Variants in CLASP1 observed in about 807,000 individuals in gnomAD.
The protein encoded by CLASP1 is CLIP-associating protein 1.
In CLASP1, 38 loss-of-function variants were observed where a neutral mutation model predicts 192.3. That is an observed-to-expected ratio of 0.20 (90% CI 0.15 to 0.26). The LOEUF (loss-of-function observed/expected upper bound fraction) is 0.26, where lower values mean the gene tolerates loss of function less well. Ranked by LOEUF, CLASP1 falls within the 10% of genes least tolerant of loss-of-function variation. The probability of loss-of-function intolerance (pLI) is 1.00; values close to 1 mark genes in which losing one functional copy is unlikely to be tolerated. For synonymous variants in CLASP1, 691 were observed against 712.8 expected (o/e 0.97, Z 0.49); for missense variants, 1,433 against 1,932.5 (o/e 0.74, Z 4.85).
chr2:121,545,860 TA>T (rs141991910), intron 2 of CLASP1, among the ~76,000 whole-genome samples: 2,138 of 147,206 alleles, frequency 0.015, 44 homozygotes, highest in African/African-American at 0.049. Context: ...CTGTAGAGGT[TA>T]AAAAAAAAAG....
intron 2 of CLASP1, among the ~76,000 whole-genome samples, chr2:121,572,415 G>C (rs534789455): frequency 6.6e-6 from 1 of 152,112 alleles, no homozygotes; most frequent in Non-Finnish European, 1.5e-5. Flanking sequence ...GCAGCAGAGC[G>C]AGACTCCTTC....
intron 6 of CLASP1, 93 bp from the exon 7 acceptor site, chr2:121,515,855 T>C: frequency 1.1e-6 from 1 of 933,398 alleles, no homozygotes; most frequent in South Asian, 1.4e-5. Flanking sequence ...CCCCAATTTA[T>C]CACCATTTTA....
rs769314968 is a variant in CLASP1 at position 121,448,269 on chromosome 2, G to A, written c.1741+7C>T. On this transcript the variant is annotated splice_region_variant and intron_variant, in intron 18 of 39. Transcript: ENST00000263710. ...GAACAGGCCTTCTCCACGGCTGTCA[G>A]TCTCACCTCTAGATGTGGTACTTCC... 1.9e-6 allele frequency: 3 copies of A among 1,613,030 alleles called. No individual in the cohort carries two copies. The highest frequency in any genetic ancestry group is 2.5e-6 in the Non-Finnish European group (3 of 1,178,944).
intron 8 of CLASP1, among the ~76,000 whole-genome samples, chr2:121,497,866 C>A (rs938459248): frequency 6.6e-6 from 1 of 152,036 alleles, no homozygotes; most frequent in Non-Finnish European, 1.5e-5. Flanking sequence ...ACTACAGGCG[C>A]CCACCACCAC....
chr2:121,537,330 T>TC (rs2095113712), intron 2 of CLASP1, among the ~76,000 whole-genome samples: 1 of 151,530 alleles, frequency 6.6e-6, no homozygotes, highest in Non-Finnish European at 1.5e-5. Context: ...AGGTTGAGGC[T>TC]GCAGTGAGCC....
chr2:121,511,791 T>G (rs1220454752), intron 7 of CLASP1, among the ~76,000 whole-genome samples: 1 of 152,182 alleles, frequency 6.6e-6, no homozygotes, highest in Non-Finnish European at 1.5e-5. Flanking sequence ...TGAGGAACTG[T>G]CTTTTCAAAA....
intron 28 of CLASP1, among the ~76,000 whole-genome samples, chr2:121,400,110 C>T (rs1020502714): frequency 6.6e-6 from 1 of 152,176 alleles, no homozygotes; most frequent in African/African-American, 2.4e-5. Context: ...TAATGGTGTA[C>T]TGTAATGCTC....
At chr2:121,559,879 T>C (rs1481643967) in intron 2 of CLASP1, among the ~76,000 whole-genome samples, 2 of 149,898 alleles carry the variant, frequency 1.3e-5, no homozygotes, top group African/African-American at 5.1e-5. Context: ...CCTTAATAAT[T>C]ATCATCATCA....
intron 1 of CLASP1, among the ~76,000 whole-genome samples, chr2:121,613,889 G>C (rs2066022097): frequency 6.6e-6 from 1 of 152,228 alleles, no homozygotes; most frequent in Admixed American, 6.5e-5. Flanking sequence ...CAGCTGGGAA[G>C]ATCTTGTGCT....
chr2:121,453,115 T>C (rs2085866783), intron 14 of CLASP1, among the ~76,000 whole-genome samples: 1 of 152,102 alleles, frequency 6.6e-6, no homozygotes, highest in Non-Finnish European at 1.5e-5. Flanking sequence ...AGCAAGACAC[T>C]GTCTCTACAA....
chr2:121,483,453 AAT>A (rs940451181), intron 8 of CLASP1, among the ~76,000 whole-genome samples: 4 of 151,216 alleles, frequency 2.6e-5, no homozygotes, highest in African/African-American at 4.9e-5. Flanking sequence ...AATATGAATG[AAT>A]ATGTGTGTGT....
chr2:121,502,482 T>C (rs535508126), intron 8 of CLASP1, among the ~76,000 whole-genome samples: 5 of 152,278 alleles, frequency 3.3e-5, no homozygotes, highest in Admixed American at 1.3e-4. Flanking sequence ...GATGAGGCCA[T>C]AATGATACCC....
chr2:121,535,908 T>C (rs980266626), intron 2 of CLASP1, among the ~76,000 whole-genome samples: 3 of 151,908 alleles, frequency 2.0e-5, no homozygotes, highest in African/African-American at 7.3e-5. Flanking sequence ...GCGATCCGAC[T>C]GTGTTGGCCT....
At chr2:121,419,309 A>G (rs138356120) in intron 22 of CLASP1, among the ~76,000 whole-genome samples, 51 of 152,336 alleles carry the variant, frequency 3.3e-4, no homozygotes, top group Middle Eastern at 6.8e-3. Context: ...TACCCACTCC[A>G]AGTAAGTGTG....
rs574063336 is a variant in CLASP1, at chr2:121,471,915, T to C, written c.713-1955A>G. Reference sequence around the variant, plus strand: ...TCCCAAAAGGAAAATTTAAGTCTAATGTAAGGAATAAGAACAACCCAAAGG... The same window carrying C: ...TCCCAAAAGGAAAATTTAAGTCTAACGTAAGGAATAAGAACAACCCAAAGG... On this transcript the variant is annotated intron_variant, in intron 8 of 39. Transcript: ENST00000263710. Among the ~76,000 whole-genome samples the C allele has an allele frequency of 2.6e-5, 4 of 152,286 alleles. No individual in the cohort carries two copies. The South Asian group carries it at 6.2e-4, about 24-fold the overall frequency.
intron 8 of CLASP1, among the ~76,000 whole-genome samples, chr2:121,479,788 T>C (rs774796596): frequency 2.0e-5 from 3 of 152,092 alleles, no homozygotes; most frequent in Non-Finnish European, 4.4e-5. Flanking sequence ...TCTTCCAATA[T>C]CCATATTCTG....
chr2:121,459,151 G>GTT (rs183235871), intron 12 of CLASP1, among the ~76,000 whole-genome samples, 176 bp from the exon 13 acceptor site: 179 of 146,590 alleles, frequency 1.2e-3, no homozygotes, highest in Non-Finnish European at 2.1e-3. Flanking sequence ...AAGTTTTGTT[G>GTT]TTTTTTTTTT....
chr2:121,487,362 A>G (rs1261692929), intron 8 of CLASP1, among the ~76,000 whole-genome samples: 1 of 152,088 alleles, frequency 6.6e-6, no homozygotes, highest in Non-Finnish European at 1.5e-5. Flanking sequence ...TAAATACATG[A>G]AACAGTGAAA....
At chr2:121,586,155 T>A (rs1005057931) in intron 2 of CLASP1, among the ~76,000 whole-genome samples, 3 of 152,050 alleles carry the variant, frequency 2.0e-5, no homozygotes, top group Non-Finnish European at 4.4e-5. Context: ...TGAGACATAG[T>A]CTCCTTCTGT....
Sources: allele counts gnomAD v4.1 joint callset (sites outside exome capture counted in the v4.1 genomes callset), GRCh38; gene constraint gnomAD v4.1.1; transcripts MANE v1.5; gene names NCBI Gene and HGNC (gene_info 2026-07-23, HGNC 2026-07-21).